PSME4: variants seen among roughly 807,000 people sequenced by gnomAD.
PSME4 encodes the protein proteasome activator subunit 4.
PSME4 carries 89 observed loss-of-function variants against 253.9 expected under a neutral mutation model. The ratio of observed to expected loss-of-function variants is 0.35; its 90% CI spans 0.30 to 0.42. The LOEUF (loss-of-function observed/expected upper bound fraction) is 0.42, where lower values mean the gene tolerates loss of function less well. Ranked by LOEUF, PSME4 falls within the 10% of genes least tolerant of loss-of-function variation. The pLI is 1.00. For synonymous variants in PSME4, 851 were observed against 759.2 expected (o/e 1.12, Z -1.99); for missense variants, 2,014 against 2,195.2 (o/e 0.92, Z 1.65).
Position 53,866,147 on chromosome 2 carries a change from G to C in PSME4, c.5474C>G (p.Thr1825Ser), listed in dbSNP as rs1337463278. Residue 1825 changes from threonine to serine, a missense_variant, in exon 46 of 47, where the codon ACT becomes AGT. By Grantham distance (58) the Thr-to-Ser change is moderately conservative. Around this residue, in one of 4 missense-constraint regions of PSME4, gnomAD observed 403 missense variants for 556.1 expected, o/e 0.72. Coordinates refer to ENST00000404125, the MANE Select transcript of PSME4 (RefSeq NM_014614.3). ...DNWQEHKQQF[T>S]DDQLLVLTDL... ...GGTGAGAACAAGCAGTTGGTCATCA[G>C]TGAATTGCTGTTTATGTTCCTGCCA... 1 of 1,613,172 alleles carries C rather than the reference G, an allele frequency of 6.2e-7. No homozygotes were observed.
intron 3 of PSME4, among the ~76,000 whole-genome samples, chr2:53,947,685 G>A (rs895805664): frequency 4.2e-4 from 63 of 150,128 alleles, no homozygotes; most frequent in African/African-American, 1.4e-3. Context: ...CAGCCTGGGC[G>A]ACAGAGCGAG....
intron 41 of PSME4, among the ~76,000 whole-genome samples, chr2:53,876,470 G>A (rs901832116): frequency 6.6e-6 from 1 of 152,058 alleles, no homozygotes. Flanking sequence ...CACAACATAA[G>A]TGGTGCTGTG....
intron 37 of PSME4, among the ~76,000 whole-genome samples, chr2:53,889,352 GA>G (rs1383578266): frequency 1.3e-5 from 2 of 151,912 alleles, no homozygotes; most frequent in African/African-American, 4.8e-5. Flanking sequence ...ATCTTCTCTA[GA>G]GTATTTGTAA....
At chr2:53,951,687 C>G (rs1350291685) in intron 1 of PSME4, among the ~76,000 whole-genome samples, 1 of 152,162 alleles carries the variant, frequency 6.6e-6, no homozygotes, top group Admixed American at 6.5e-5. Flanking sequence ...CAACATGACA[C>G]TCAAAGGAAA....
intron 41 of PSME4, among the ~76,000 whole-genome samples, chr2:53,879,301 TTAAA>T (rs1488373583): frequency 2.0e-5 from 3 of 152,194 alleles, no homozygotes; most frequent in Non-Finnish European, 2.9e-5. Context: ...GAGTGTCTGG[TTAAA>T]TAAACTGTAG....
At chr2:53,921,333 GTCTAT>G (rs1275653717) in intron 17 of PSME4, among the ~76,000 whole-genome samples, 4 of 151,482 alleles carry the variant, frequency 2.6e-5, no homozygotes, top group South Asian at 2.1e-4. Flanking sequence ...TTTCAAAAGA[GTCTAT>G]TCTATTCAAG....
At chr2:53,963,408 C>T (rs117547159) in intron 1 of PSME4, among the ~76,000 whole-genome samples, 6 of 152,212 alleles carry the variant, frequency 3.9e-5, no homozygotes, top group East Asian at 1.9e-4. Flanking sequence ...ACATCCCAAA[C>T]GCCAAAACCA....
At chr2:53,940,931 ACATATATAAATATATAT>A (rs1669378311) in intron 3 of PSME4, among the ~76,000 whole-genome samples, 15 of 97,290 alleles carry the variant, frequency 1.5e-4, no homozygotes, top group African/African-American at 4.9e-4. Context: ...TATATATAAT[ACATATATAAATATATAT>A]ATACATATAT....
intron 1 of PSME4, among the ~76,000 whole-genome samples, chr2:53,969,686 C>A (rs967881715): frequency 2.1e-4 from 25 of 121,284 alleles, no homozygotes; most frequent in African/African-American, 7.2e-4. Flanking sequence ...TATTTTCACT[C>A]GTTTTTTTTT....
chr2:53,899,037 G>GA (rs138444850), intron 29 of PSME4, among the ~76,000 whole-genome samples: 13,467 of 151,040 alleles, frequency 0.089, 733 homozygotes, highest in East Asian at 0.26. Context: ...TAATTCACTA[G>GA]AAAAAAAAAG....
At chr2:53,872,031 G>A (rs768201268) in intron 43 of PSME4, among the ~76,000 whole-genome samples, 4 of 152,018 alleles carry the variant, frequency 2.6e-5, no homozygotes, top group East Asian at 3.9e-4. Context: ...AAGGGGGGGC[G>A]GGGATGGTAA....
In PSME4 at chr2:53,940,940, AATATATATATAC is replaced by A. The variant is rs1400526235; in HGVS notation, c.501-952_501-941del. Reference sequence around the variant, plus strand: ...TAAATATATATATAATACATATATAAATATATATATACATATATATATATATATATATATATA... The same window carrying A: ...TAAATATATATATAATACATATATAAATATATATATATATATATATATATA... On this transcript the variant is annotated intron_variant, in intron 3 of 46. Coordinates refer to ENST00000404125, the MANE Select transcript of PSME4 (RefSeq NM_014614.3). 2.0e-3 allele frequency among the ~76,000 whole-genome samples: 101 copies of A among 51,296 alleles called. 9 individuals are homozygous for A. The highest frequency in any genetic ancestry group is 4.3e-3 in the African/African-American group (43 of 9,962). 33.7% of individuals were successfully genotyped at this position (51,296 alleles called of 152,430 possible).
intron 40 of PSME4, among the ~76,000 whole-genome samples, chr2:53,886,127 G>T (rs150720863): frequency 2.2e-4 from 33 of 152,340 alleles, no homozygotes; most frequent in South Asian, 6.2e-4. Context: ...TCAGAAATGG[G>T]CTGGGTAAAG....
At chr2:53,895,540 T>C (rs777751101) in intron 33 of PSME4, 43 bp downstream of exon 33, 3 of 1,550,820 alleles carry the variant, frequency 1.9e-6, no homozygotes, top group East Asian at 2.3e-5. Context: ...AAAGCAGTTA[T>C]ATCAAAGGCA....
At chr2:53,950,593 G>A (rs1366249494) in intron 1 of PSME4, among the ~76,000 whole-genome samples, 1 of 151,958 alleles carries the variant, frequency 6.6e-6, no homozygotes, top group Admixed American at 6.6e-5. Flanking sequence ...TATAATCCCA[G>A]CACTTTGGGA....
intron 33 of PSME4, 22 bp from the exon 34 acceptor site, chr2:53,895,098 T>C: frequency 6.3e-7 from 1 of 1,580,252 alleles, no homozygotes; most frequent in Non-Finnish European, 8.6e-7. Context: ...GAGTTCATAT[T>C]TATCATACGC....
intron 41 of PSME4, 65 bp from the exon 42 acceptor site, chr2:53,875,820 A>G: frequency 7.1e-7 from 1 of 1,416,620 alleles, no homozygotes; most frequent in Non-Finnish European, 9.6e-7. Flanking sequence ...AAGGCATCCT[A>G]CATGAGAGAC....
intron 42 of PSME4, among the ~76,000 whole-genome samples, chr2:53,875,069 T>G (rs865892386): frequency 1.3e-5 from 2 of 152,226 alleles, no homozygotes; most frequent in South Asian, 4.1e-4. Context: ...CAGCAGGGTC[T>G]GGAAAGCAAA....
In PSME4 at chr2:53,970,935, C is replaced by A. The variant is rs996791708; in HGVS notation, c.-151G>T. ...CGATCGCTAGGCCCCCTTCCCTGGC[C>A]GGCGTGCTGCTGGGCCCCACGCGGC... On this transcript the variant is annotated 5_prime_UTR_variant, in exon 1 of 47. Transcript: ENST00000404125. 15 of 603,826 alleles carry A rather than the reference C, an allele frequency of 2.5e-5. No individual in the cohort carries two copies. Among genetic ancestry groups the A allele is most frequent in the Non-Finnish European group, 3.1e-5 (12 of 381,852 alleles). The allele number at this position is 603,826 out of a possible 1,614,324, so 37.4% of individuals were successfully genotyped here.
Sources: allele counts gnomAD v4.1 joint callset (sites outside exome capture counted in the v4.1 genomes callset), GRCh38; gene constraint gnomAD v4.1.1; regional missense constraint gnomAD v4.1.1; transcripts MANE v1.5; gene names NCBI Gene and HGNC (gene_info 2026-07-23, HGNC 2026-07-21).